HTR3B: variants seen among roughly 807,000 people sequenced by gnomAD.
The protein encoded by HTR3B is 5-hydroxytryptamine receptor 3B, also known as 5-hydroxytryptamine (serotonin) receptor 3B, ionotropic.
A neutral mutation model predicts 42.8 loss-of-function variants in HTR3B; 44 were observed. The ratio of observed to expected loss-of-function variants is 1.03; its 90% CI spans 0.81 to 1.32. HTR3B has a LOEUF of 1.32. Ranked by LOEUF, HTR3B falls within the 40% of genes most tolerant of loss-of-function variation. HTR3B has a pLI of 0.00. For missense variants in HTR3B, 527 were observed against 536.5 expected, an observed-to-expected ratio of 0.98 and a Z score of 0.17; for synonymous variants, 203 against 209.0, an observed-to-expected ratio of 0.97 and a Z score of 0.25.
intron 2 of HTR3B, among the ~76,000 whole-genome samples, chr11:113,917,434 A>G (rs1949866572): frequency 6.6e-6 from 1 of 152,104 alleles, no homozygotes; most frequent in African/African-American, 2.4e-5. Context: ...CACCCGGCCG[A>G]AATCTTCTAT....
At chr11:113,920,996 A>G (rs1414486989) in intron 2 of HTR3B, among the ~76,000 whole-genome samples, 1 of 151,060 alleles carries the variant, frequency 6.6e-6, no homozygotes, top group African/African-American at 2.4e-5. Context: ...TATTTTTAGT[A>G]GAGATGGGGT....
intron 6 of HTR3B, 57 bp downstream of exon 6, chr11:113,933,150 C>T: frequency 6.5e-7 from 1 of 1,542,042 alleles, no homozygotes. Flanking sequence ...TTGGCCTTCT[C>T]TCTTGGGCCA....
chr11:113,909,214 C>A, intron 1 of HTR3B, 81 bp from the exon 2 acceptor site: 1 of 1,082,960 alleles, frequency 9.2e-7, no homozygotes, highest in Admixed American at 1.8e-5. Flanking sequence ...TAAAAGCCAC[C>A]GAGTCCTGAA....
intron 2 of HTR3B, among the ~76,000 whole-genome samples, chr11:113,911,104 G>A (rs1329377533): frequency 6.6e-6 from 1 of 152,232 alleles, no homozygotes; most frequent in Non-Finnish European, 1.5e-5. Context: ...GGGATTACAG[G>A]CGTGAGCCAC....
chr11:113,904,769 T>G, upstream of HTR3B: 3 of 610,604 alleles, frequency 4.9e-6, no homozygotes, highest in Non-Finnish European at 3.0e-6. Flanking sequence ...TGGTATTGCC[T>G]TTGGTCCCAC....
At chr11:113,943,285 T>A in intron 7 of HTR3B, 93 bp downstream of exon 7, 1 of 1,114,146 alleles carries the variant, frequency 9.0e-7, no homozygotes, top group Non-Finnish European at 1.3e-6. Context: ...GCCCGTAATA[T>A]CAGCACTTTG....
chr11:113,948,040 C>T lies in HTR3B; in HGVS notation c.*1903C>T, dbSNP rs1362563738. Among the ~76,000 whole-genome samples, 1 of 152,160 alleles carries T rather than the reference C, an allele frequency of 6.6e-6. No individual in the cohort carries two copies. The highest frequency in any genetic ancestry group is 1.5e-5 in the Non-Finnish European group (1 of 68,046). ...AACAGCCTTTACCTGCATCTTCCCT[C>T]TCTCATTACCTCCCAGTTAGTGCTC... On this transcript the variant is annotated 3_prime_UTR_variant, in exon 9 of 9. Transcript: ENST00000260191.
intron 1 of HTR3B, among the ~76,000 whole-genome samples, chr11:113,905,995 T>G (rs1949730459): frequency 6.6e-6 from 1 of 152,200 alleles, no homozygotes; most frequent in African/African-American, 2.4e-5. Flanking sequence ...AATGGGTTTC[T>G]TAGTAGAAAA....
chr11:113,923,878 A>C (rs1230402342), intron 2 of HTR3B, among the ~76,000 whole-genome samples: 1 of 152,198 alleles, frequency 6.6e-6, no homozygotes, highest in Non-Finnish European at 1.5e-5. Context: ...TGAATGACGA[A>C]TCCTCTCAAC....
chr11:113,921,568 G>C (rs1380254299), intron 2 of HTR3B, among the ~76,000 whole-genome samples: 3 of 150,810 alleles, frequency 2.0e-5, no homozygotes, highest in African/African-American at 7.3e-5. Flanking sequence ...GCAGTGAGCT[G>C]AGATCGCTCC....
In HTR3B at chr11:113,947,249, G is replaced by C. The variant is rs1263559382; in HGVS notation, c.*1112G>C. Among the ~76,000 whole-genome samples, 1 of 151,948 alleles carries C rather than the reference G, an allele frequency of 6.6e-6. No individual in the cohort carries two copies. The highest frequency in any genetic ancestry group is 1.5e-5 in the Non-Finnish European group (1 of 67,996). ...CTCCCGAGTAGCTGGAACTACAGGT[G>C]CATGCCACCACACCCAGCTAATTTT... On this transcript the variant is annotated 3_prime_UTR_variant, in exon 9 of 9. Transcript: ENST00000260191.
chr11:113,946,545 A>C lies in HTR3B; in HGVS notation c.*408A>C. 1 of 155,704 alleles carries C rather than the reference A, an allele frequency of 6.4e-6. No individual in the cohort carries two copies. 9.6% of individuals were successfully genotyped at this position (155,704 alleles called of 1,614,324 possible). A position where few individuals can be genotyped will look rare whatever the true frequency, so the allele number is the denominator to read the frequency against. On this transcript the variant is annotated 3_prime_UTR_variant, in exon 9 of 9. Transcript: ENST00000260191. The stretch of plus-strand genomic sequence containing the variant: ...CCCTGTCTCAAAAAAAATAAAATAA[A>C]AGGCTTTCTGCCTTCATTGCCTCTC...
intron 2 of HTR3B, among the ~76,000 whole-genome samples, chr11:113,922,470 G>A (rs1371923570): frequency 1.3e-5 from 2 of 152,174 alleles, no homozygotes; most frequent in Non-Finnish European, 2.9e-5. Context: ...CTGGCCTCAA[G>A]TGATCCACTC....
intron 2 of HTR3B, among the ~76,000 whole-genome samples, chr11:113,910,416 T>C (rs1199128429): frequency 1.3e-5 from 2 of 151,408 alleles, no homozygotes; most frequent in Admixed American, 1.3e-4. Flanking sequence ...TTTCAATTGG[T>C]CCCAGAGTTA....
Position 113,944,622 on chromosome 11 carries a change from G to A in HTR3B, c.957G>A (p.Lys319=), listed in dbSNP as rs1288539098. The A allele has an allele frequency of 6.2e-7, 1 of 1,614,046 alleles. No individual in the cohort carries two copies. The highest frequency in any genetic ancestry group is 2.2e-5 in the East Asian group (1 of 44,880). ...CCTTCTTGGTTCTCAGCTTAGCTAA[G>A]TCCATCGTGTTGGTCAAATTCCTCC... is the stretch of plus-strand genomic sequence containing the variant. ...CMAFLVLSLA[K]SIVLVKFLHD... The change falls in exon 8 of 9, where the codon AAG becomes AAA. Residue 319 remains lysine, a synonymous_variant. Transcript: ENST00000260191.
At chr11:113,907,788 G>A (rs1025710226) in intron 1 of HTR3B, among the ~76,000 whole-genome samples, 1 of 151,974 alleles carries the variant, frequency 6.6e-6, no homozygotes, top group Non-Finnish European at 1.5e-5. Flanking sequence ...TACTCATTTC[G>A]GTGTTTCCCC....
chr11:113,931,935 A>G, intron 4 of HTR3B, 68 bp downstream of exon 4: 1 of 907,926 alleles, frequency 1.1e-6, no homozygotes, highest in Non-Finnish European at 1.9e-6. Flanking sequence ...GTTGCTGCTT[A>G]CTTTCAGTCA....
intron 2 of HTR3B, among the ~76,000 whole-genome samples, chr11:113,909,984 CAAAAAAAAAAAAA>C (rs1178070726): frequency 2.6e-4 from 10 of 39,006 alleles, no homozygotes; most frequent in African/African-American, 5.1e-4. Context: ...ACCTTGTCTC[CAAAAAAAAAAAAA>C]AAAAAAAAAA....
At chr11:113,911,360 A>T (rs956723608) in intron 2 of HTR3B, among the ~76,000 whole-genome samples, 20 of 151,566 alleles carry the variant, frequency 1.3e-4, no homozygotes, top group Admixed American at 1.3e-3. Context: ...CCTCCTGAGT[A>T]GCTGGGATTA....
Sources: gnomAD v4.1 joint callset for allele counts (sites outside exome capture counted in the v4.1 genomes callset) on GRCh38, gnomAD v4.1.1 for gene constraint, MANE v1.5 for transcripts, NCBI Gene and HGNC (gene_info 2026-07-23, HGNC 2026-07-21) for gene names.